The following ZNF277 variants were observed in gnomAD, a reference collection of about 807,000 sequenced individuals.
ZNF277 encodes the protein zinc finger protein 277.
A neutral mutation model predicts 60.7 loss-of-function variants in ZNF277; 55 were observed. The ratio of observed to expected loss-of-function variants is 0.91; its 90% CI spans 0.73 to 1.13. The LOEUF (loss-of-function observed/expected upper bound fraction) is 1.13, where lower values mean the gene tolerates loss of function less well. Ranked by LOEUF, ZNF277 falls within the 50% of genes most tolerant of loss-of-function variation. ZNF277 has a pLI of 0.00. For missense variants in ZNF277, 510 were observed against 523.0 expected (o/e 0.98, Z 0.24); for synonymous variants, 178 against 179.3 (o/e 0.99, Z 0.06).
At chr7:112,207,545 A>G (rs1320798327) in intron 1 of ZNF277, among the ~76,000 whole-genome samples, 2 of 152,166 alleles carry the variant, frequency 1.3e-5, no homozygotes, top group Admixed American at 6.5e-5. Context: ...CCTGACTTTC[A>G]GGTTGTCCTC....
intron 1 of ZNF277, among the ~76,000 whole-genome samples, chr7:112,272,867 G>A (rs1054709190): frequency 5.3e-5 from 8 of 152,190 alleles, no homozygotes; most frequent in African/African-American, 1.9e-4. Context: ...CCCACCAACA[G>A]TATATGAGGA....
intron 11 of ZNF277, 107 bp downstream of exon 11, chr7:112,341,153 A>G (rs1383332510): frequency 9.3e-7 from 1 of 1,075,580 alleles, no homozygotes; most frequent in Non-Finnish European, 1.3e-6. Flanking sequence ...CATATTTATT[A>G]TAAAAAGTAT....
At chr7:112,324,595 A>G (rs188407581) in intron 5 of ZNF277, among the ~76,000 whole-genome samples, 40 of 152,322 alleles carry the variant, frequency 2.6e-4, no homozygotes, top group Non-Finnish European at 4.3e-4. Flanking sequence ...TTGGCCCTTT[A>G]CCAACCAGCA....
chr7:112,336,612 C>T (rs555769724), intron 8 of ZNF277, among the ~76,000 whole-genome samples: 79 of 152,288 alleles, frequency 5.2e-4, no homozygotes, highest in African/African-American at 1.8e-3. Context: ...AAATTATAAG[C>T]TTGAGAAATG....
intron 1 of ZNF277, among the ~76,000 whole-genome samples, chr7:112,213,614 T>G (rs1821809786): frequency 6.6e-6 from 1 of 152,322 alleles, no homozygotes; most frequent in Admixed American, 6.5e-5. Flanking sequence ...ACGCTTTTTA[T>G]GTACAAATGA....
intron 8 of ZNF277, among the ~76,000 whole-genome samples, chr7:112,336,614 T>G (rs757469189): frequency 3.3e-5 from 5 of 152,190 alleles, no homozygotes; most frequent in Non-Finnish European, 7.4e-5. Flanking sequence ...ATTATAAGCT[T>G]GAGAAATGTT....
intron 1 of ZNF277, among the ~76,000 whole-genome samples, chr7:112,270,537 C>G (rs1395552730): frequency 1.3e-5 from 2 of 152,066 alleles, no homozygotes; most frequent in Non-Finnish European, 2.9e-5. Context: ...ACCAATACAA[C>G]TTATATTGTA....
At chr7:112,318,824 G>T (rs1208593499) in intron 5 of ZNF277, among the ~76,000 whole-genome samples, 1 of 151,914 alleles carries the variant, frequency 6.6e-6, no homozygotes, top group Non-Finnish European at 1.5e-5. Flanking sequence ...ATGGTCCCAG[G>T]GCTACCCAAA....
rs191280127 is a variant in ZNF277 at position 112,225,837 on chromosome 7, A to G, written c.91+19030A>G. 3.5e-3 allele frequency among the ~76,000 whole-genome samples: 533 copies of G among 152,350 alleles called. 4 individuals carry two copies. The highest frequency in any genetic ancestry group is 6.2e-3 in the Non-Finnish European group (422 of 68,022). ...GTATACTATTTATGTTTTTAGGGAC[A>G]GTATTCCAGGACTCCATAGAATTAT... On this transcript the variant is annotated intron_variant, in intron 1 of 11. Coordinates refer to ENST00000361822, the MANE Select transcript of ZNF277 (RefSeq NM_021994.3).
At chr7:112,224,512 G>A (rs1048828671) in intron 1 of ZNF277, among the ~76,000 whole-genome samples, 5 of 152,184 alleles carry the variant, frequency 3.3e-5, no homozygotes, top group Non-Finnish European at 7.3e-5. Flanking sequence ...GGGTTTGGGA[G>A]ATGGAAAATC....
chr7:112,292,970 A>G (rs1792242098), intron 2 of ZNF277, among the ~76,000 whole-genome samples: 1 of 152,120 alleles, frequency 6.6e-6, no homozygotes, highest in African/African-American at 2.4e-5. Context: ...ACTTTTTCTT[A>G]TAGTAATAAC....
At chr7:112,271,742 A>G (rs1029936019) in intron 1 of ZNF277, among the ~76,000 whole-genome samples, 1 of 152,104 alleles carries the variant, frequency 6.6e-6, no homozygotes, top group Admixed American at 6.6e-5. Context: ...TCTTAAAATT[A>G]TACTTGGTTC....
rs1310152202 is a variant in ZNF277, at chr7:112,342,594, C to G, written c.1218C>G (p.Leu406=). 1 of 1,611,020 alleles carries G rather than the reference C, an allele frequency of 6.2e-7. No individual in the cohort carries two copies. The highest frequency in any genetic ancestry group is 8.5e-7 in the Non-Finnish European group (1 of 1,179,208). ...TTCCAACCTATGAAAATGACACTCTCCTGTGTACACTATCTGACAGTGAAA... is the reference window on the plus strand; with the variant it reads ...TTCCAACCTATGAAAATGACACTCTGCTGTGTACACTATCTGACAGTGAAA... The part of the protein sequence containing the change: ...YYFPTYENDT[L]LCTLSDSESD... Residue 406 remains leucine (L), a synonymous_variant, in exon 12 of 12, where the codon CTC becomes CTG. Coordinates refer to ENST00000361822, the MANE Select transcript of ZNF277 (RefSeq NM_021994.3).
At chr7:112,289,396 C>A (rs1792151786) in intron 2 of ZNF277, among the ~76,000 whole-genome samples, 1 of 152,158 alleles carries the variant, frequency 6.6e-6, no homozygotes, top group Non-Finnish European at 1.5e-5. Context: ...TTGGTGCTGC[C>A]TTATCAGGTC....
At chr7:112,213,288 A>G (rs932492964) in intron 1 of ZNF277, among the ~76,000 whole-genome samples, 1 of 152,222 alleles carries the variant, frequency 6.6e-6, no homozygotes, top group Non-Finnish European at 1.5e-5. Context: ...TCTAAGTCCA[A>G]TTAAAACCTC....
At chr7:112,287,342 TC>T in intron 2 of ZNF277, 1 of 377,650 alleles carries the variant, frequency 2.6e-6, no homozygotes, top group Admixed American at 4.2e-5. Flanking sequence ...ACCATTGCAC[TC>T]CAGCCTGGGT....
chr7:112,286,858 T>TTG lies in ZNF277; in HGVS notation c.92-14_92-13insGT. The stretch of plus-strand genomic sequence containing the variant: ...CTTTCTTTCTTTTTTTTTTTTTTTT[T>TTG]TTGGTCTATTCCAGACAGTAAGGAT... On this transcript the variant is annotated splice_polypyrimidine_tract_variant and intron_variant, in intron 1 of 11. Transcript: ENST00000361822. 6.8e-7 allele frequency: 1 copy of TTG among 1,471,576 alleles called. No homozygotes were observed. The highest frequency in any genetic ancestry group is 9.0e-7 in the Non-Finnish European group (1 of 1,108,306). 91.2% of individuals were successfully genotyped at this position (1,471,576 alleles called of 1,614,324 possible).
At chr7:112,267,211 A>G (rs1413618270) in intron 1 of ZNF277, among the ~76,000 whole-genome samples, 1 of 152,188 alleles carries the variant, frequency 6.6e-6, no homozygotes, top group African/African-American at 2.4e-5. Context: ...ATTCTTATGT[A>G]TATTGGATAT....
intron 1 of ZNF277, among the ~76,000 whole-genome samples, chr7:112,236,455 C>T (rs901935233): frequency 4.0e-5 from 6 of 151,790 alleles, no homozygotes; most frequent in African/African-American, 1.2e-4. Context: ...AATTAGATAC[C>T]CTAAGTCCCT....
Sources: gnomAD v4.1 joint callset for allele counts (sites outside exome capture counted in the v4.1 genomes callset) on GRCh38, gnomAD v4.1.1 for gene constraint, MANE v1.5 for transcripts, NCBI Gene and HGNC (gene_info 2026-07-23, HGNC 2026-07-21) for gene names.